Variants in PPARGC1A observed in about 807,000 individuals in gnomAD.
PPARGC1A encodes the protein PPARG coactivator 1 alpha.
A neutral mutation model predicts 88.7 loss-of-function variants in PPARGC1A; 25 were observed. The ratio of observed to expected loss-of-function variants is 0.28; its 90% CI spans 0.21 to 0.39. The LOEUF is 0.39. Among genes scored for constraint, PPARGC1A ranks in the 10% least tolerant of loss-of-function variants. The pLI, the probability that PPARGC1A is intolerant of heterozygous loss-of-function variation, is 1.00. For missense variants in PPARGC1A, 880 were observed against 968.7 expected, an observed-to-expected ratio of 0.91 and a Z score of 1.22; for synonymous variants, 363 against 355.6, an observed-to-expected ratio of 1.02 and a Z score of -0.24.
chr4:24,122,444 G>T, the PPARGC1A span, among the ~76,000 whole-genome samples: 414 of 150,218 alleles, frequency 2.8e-3, 1 homozygote, highest in African/African-American at 6.0e-3. Context: ...TATAGAGAGA[G>T]AGAGAGAGAG....
chr4:24,163,582 G>T, the PPARGC1A span, among the ~76,000 whole-genome samples: 3 of 152,072 alleles, frequency 2.0e-5, no homozygotes, highest in Non-Finnish European at 4.4e-5. Context: ...AATTACTGTG[G>T]CATTATGAAA....
intron 2 of PPARGC1A, among the ~76,000 whole-genome samples, chr4:23,868,851 C>T (rs1281864654): frequency 3.3e-5 from 5 of 152,200 alleles, no homozygotes; most frequent in African/African-American, 4.8e-5. Flanking sequence ...GGAAAGTTTC[C>T]TTTCAGTTCT....
At chr4:24,148,236 C>T in the PPARGC1A span, among the ~76,000 whole-genome samples, 1 of 152,186 alleles carries the variant, frequency 6.6e-6, no homozygotes, top group Non-Finnish European at 1.5e-5. Context: ...AGAACACCTG[C>T]TTTGGATCTA....
the PPARGC1A span, among the ~76,000 whole-genome samples, chr4:23,918,874 C>CA: frequency 6.6e-6 from 1 of 152,106 alleles, no homozygotes; most frequent in African/African-American, 2.4e-5. Context: ...GCCTCTGTGT[C>CA]AAGGATTTGC....
At chr4:24,108,985 A>G in the PPARGC1A span, among the ~76,000 whole-genome samples, 7 of 151,316 alleles carry the variant, frequency 4.6e-5, no homozygotes, top group Non-Finnish European at 7.4e-5. Context: ...CTAATGTGGG[A>G]GCTATAAAAA....
chr4:23,986,729 G>C, the PPARGC1A span, among the ~76,000 whole-genome samples: 1 of 151,986 alleles, frequency 6.6e-6, no homozygotes, highest in African/African-American at 2.4e-5. Flanking sequence ...TCACTATCCA[G>C]CAAAAACAAA....
chr4:24,460,062 C>T, the PPARGC1A span, among the ~76,000 whole-genome samples: 3 of 152,264 alleles, frequency 2.0e-5, no homozygotes, highest in Non-Finnish European at 2.9e-5. Flanking sequence ...ACTCAATAGC[C>T]TGAAATGACC....
chr4:24,007,560 G>A, the PPARGC1A span, among the ~76,000 whole-genome samples: 4 of 106,080 alleles, frequency 3.8e-5, no homozygotes, highest in African/African-American at 1.4e-4. Flanking sequence ...GGAAGTGACA[G>A]AGGTTGAAGG....
chr4:24,259,059 A>G, the PPARGC1A span, among the ~76,000 whole-genome samples: 1 of 152,220 alleles, frequency 6.6e-6, no homozygotes, highest in Non-Finnish European at 1.5e-5. Context: ...GATAGTTTCT[A>G]GACATTCCTG....
the PPARGC1A span, among the ~76,000 whole-genome samples, chr4:23,976,526 A>C: frequency 6.6e-6 from 1 of 152,184 alleles, no homozygotes; most frequent in South Asian, 2.1e-4. Context: ...TTTTGGACTG[A>C]ATTATGTCTC....
chr4:24,124,259 T>C, the PPARGC1A span, among the ~76,000 whole-genome samples: 1 of 152,098 alleles, frequency 6.6e-6, no homozygotes, highest in African/African-American at 2.4e-5. Context: ...CTGAGGCAAA[T>C]ACACTAGTCA....
At chr4:24,005,407 C>T in the PPARGC1A span, among the ~76,000 whole-genome samples, 1 of 152,090 alleles carries the variant, frequency 6.6e-6, no homozygotes, top group African/African-American at 2.4e-5. Context: ...TGGTAGCCTA[C>T]CAACCCCTAC....
At chr4:24,374,616 G>A in the PPARGC1A span, among the ~76,000 whole-genome samples, 149,090 of 152,034 alleles carry the variant, frequency 0.98, 73,170 homozygotes, top group East Asian at 1. Context: ...TGAGGTATAC[G>A]AACAGCCAGT....
chr4:24,071,658 T>G, the PPARGC1A span, among the ~76,000 whole-genome samples: 1 of 152,110 alleles, frequency 6.6e-6, no homozygotes, highest in Non-Finnish European at 1.5e-5. Flanking sequence ...GAGAACTACC[T>G]TATCAAAGCA....
chr4:23,844,491 C>CTATATTAATAT (rs1727696874), intron 2 of PPARGC1A, among the ~76,000 whole-genome samples: 1 of 117,954 alleles, frequency 8.5e-6, no homozygotes, highest in Non-Finnish European at 1.6e-5. Flanking sequence ...TTATAATAAT[C>CTATATTAATAT]ATAATATATA....
the PPARGC1A span, among the ~76,000 whole-genome samples, chr4:24,391,962 A>T: frequency 5.4e-4 from 83 of 152,324 alleles, 2 homozygotes; most frequent in South Asian, 7.0e-3. Context: ...AGGATACAGA[A>T]GGTACAAGCA....
chr4:24,070,563 A>G, the PPARGC1A span, among the ~76,000 whole-genome samples: 3 of 152,158 alleles, frequency 2.0e-5, no homozygotes, highest in African/African-American at 7.2e-5. Context: ...CTTAGGTTCC[A>G]GAAACACAAA....
the PPARGC1A span, among the ~76,000 whole-genome samples, chr4:24,032,704 T>C: frequency 8.3e-4 from 127 of 152,306 alleles, no homozygotes; most frequent in African/African-American, 2.9e-3. Flanking sequence ...GTTTATTTTT[T>C]AGCACATGTC....
the PPARGC1A span, among the ~76,000 whole-genome samples, chr4:24,446,110 A>G: frequency 2.0e-5 from 3 of 152,206 alleles, no homozygotes; most frequent in South Asian, 4.1e-4. Flanking sequence ...TCCATTCAAT[A>G]TAATTGAAAT....
Sources: allele counts gnomAD v4.1 joint callset (sites outside exome capture counted in the v4.1 genomes callset), GRCh38; gene constraint gnomAD v4.1.1; transcripts MANE v1.5; gene names NCBI Gene and HGNC (gene_info 2026-07-23, HGNC 2026-07-21).